Variants in DCDC2C observed in about 807,000 individuals in gnomAD.
DCDC2C encodes doublecortin domain-containing protein 2C.
A neutral mutation model predicts 45.0 loss-of-function variants in DCDC2C; 44 were observed. The observed-to-expected ratio is 0.98, with a 90% CI of 0.77 to 1.26. DCDC2C has a LOEUF of 1.26. Ranked by LOEUF, DCDC2C falls within the 50% of genes most tolerant of loss-of-function variation. The pLI is 0.00. For synonymous variants in DCDC2C, 187 were observed against 178.8 expected (o/e 1.05, Z -0.37); for missense variants, 447 against 468.9 (o/e 0.95, Z 0.43).
At chr2:3,719,300 T>C (rs1025671998) in intron 2 of DCDC2C, among the ~76,000 whole-genome samples, 2 of 152,192 alleles carry the variant, frequency 1.3e-5, no homozygotes, top group Non-Finnish European at 2.9e-5. Flanking sequence ...TTAGCTAGGA[T>C]GGTCTCAATC....
intron 6 of DCDC2C, among the ~76,000 whole-genome samples, chr2:3,767,457 C>G (rs1251470433): frequency 1.3e-5 from 2 of 152,178 alleles, no homozygotes; most frequent in Non-Finnish European, 2.9e-5. Flanking sequence ...TAAAGCAAGC[C>G]CTTATTTTGT....
At chr2:3,768,604 C>T (rs1323838279) in intron 7 of DCDC2C, among the ~76,000 whole-genome samples, 1 of 152,210 alleles carries the variant, frequency 6.6e-6, no homozygotes, top group African/African-American at 2.4e-5. Flanking sequence ...GATGATGCCT[C>T]ACTCTGTCAC....
At position 3,769,366 on chromosome 2, in the gene DCDC2C, C is replaced by T. The variant is rs201032770; in HGVS notation, c.909C>T (p.Asp303=). 5,704 of 1,550,590 alleles carry T rather than the reference C, an allele frequency of 3.7e-3. 16 individuals carry two copies. Among genetic ancestry groups the T allele is most frequent in the Non-Finnish European group, 4.5e-3 (5,164 of 1,146,976 alleles). The change falls in exon 8 of 11, where the codon GAC becomes GAT. Residue 303 remains aspartate, a synonymous_variant. Transcript: ENST00000399143. ...GCAAGGAAACCCAAGGGGCGCTGGA[C>T]GTCAAAGAGGAGCACAATGTGCAGC... ...TPSKETQGAL[D]VKEEHNVQLE... is the part of the protein sequence containing the mutation.
intron 6 of DCDC2C, among the ~76,000 whole-genome samples, chr2:3,760,335 A>G (rs1397703730): frequency 6.6e-6 from 1 of 152,240 alleles, no homozygotes; most frequent in Non-Finnish European, 1.5e-5. Context: ...CTGGGTATAT[A>G]CCCAAAGGAT....
intron 6 of DCDC2C, among the ~76,000 whole-genome samples, chr2:3,763,593 C>T (rs762362457): frequency 1.5e-4 from 23 of 152,208 alleles, no homozygotes; most frequent in Admixed American, 4.6e-4. Flanking sequence ...TCTAGTCTCA[C>T]AGCCTTTACT....
At chr2:3,749,073 T>G (rs961741528) in intron 4 of DCDC2C, among the ~76,000 whole-genome samples, 6 of 152,224 alleles carry the variant, frequency 3.9e-5, no homozygotes, top group African/African-American at 1.4e-4. Flanking sequence ...ACCTTTATTT[T>G]GGGAAAACAG....
chr2:3,733,907 A>C (rs114291307), intron 3 of DCDC2C, among the ~76,000 whole-genome samples: 1 of 152,328 alleles, frequency 6.6e-6, no homozygotes, highest in African/African-American at 2.4e-5. Context: ...TGTGGTCCCA[A>C]GGCCTAGAAA....
chr2:3,722,335 A>G (rs1160588987), intron 2 of DCDC2C, among the ~76,000 whole-genome samples: 1 of 152,232 alleles, frequency 6.6e-6, no homozygotes, highest in Non-Finnish European at 1.5e-5. Context: ...CAGGACACTT[A>G]ATAGCTGTAT....
Position 3,793,146 on chromosome 2 carries a change from C to T in DCDC2C, c.1065+8046C>T, listed in dbSNP as rs1572622500. Among the ~76,000 whole-genome samples the T allele has an allele frequency of 4.0e-5, 6 of 151,888 alleles. No homozygotes were observed. The South Asian group carries it at 1.0e-3, about 26-fold the overall frequency. On this transcript the variant is annotated intron_variant, in intron 10 of 10. Transcript: ENST00000399143. ...AAAAAGAGGTCCATAAATACAAACT[C>T]GCATTTGCTGTTTGTAAATAGAATG... is the stretch of plus-strand genomic sequence containing the variant.
At chr2:3,836,591 G>C (rs1672081178) in intron 10 of DCDC2C, among the ~76,000 whole-genome samples, 1 of 151,872 alleles carries the variant, frequency 6.6e-6, no homozygotes, top group Non-Finnish European at 1.5e-5. Context: ...GGCGGGGCGC[G>C]GTGGCTCACG....
chr2:3,839,085 G>T (rs1484571806), intron 10 of DCDC2C, among the ~76,000 whole-genome samples: 1 of 152,092 alleles, frequency 6.6e-6, no homozygotes, highest in Non-Finnish European at 1.5e-5. Flanking sequence ...AGGGCCACAG[G>T]GGGACAGGAA....
At chr2:3,770,021 G>A (rs1270112340) in intron 8 of DCDC2C, among the ~76,000 whole-genome samples, 3 of 152,156 alleles carry the variant, frequency 2.0e-5, no homozygotes, top group Non-Finnish European at 4.4e-5. Flanking sequence ...GAGAAGGGGC[G>A]GGGTCAGGCC....
intron 4 of DCDC2C, among the ~76,000 whole-genome samples, chr2:3,745,399 A>G (rs1669331920): frequency 6.6e-6 from 1 of 152,228 alleles, no homozygotes. Flanking sequence ...TAAAAAAGAC[A>G]TTAGATCAAT....
intron 10 of DCDC2C, among the ~76,000 whole-genome samples, chr2:3,842,650 A>AAT (rs1289196184): frequency 6.6e-6 from 1 of 151,724 alleles, no homozygotes; most frequent in African/African-American, 2.4e-5. Flanking sequence ...AAAAAAAAAA[A>AAT]AAAAATCAAT....
chr2:3,743,169 T>G (rs1450777876), intron 4 of DCDC2C, among the ~76,000 whole-genome samples: 5 of 150,084 alleles, frequency 3.3e-5, no homozygotes, highest in Non-Finnish European at 5.9e-5. Context: ...GGTCACCACA[T>G]TAGGTTAAAA....
At chr2:3,838,457 AGAG>A (rs368114924) in intron 10 of DCDC2C, among the ~76,000 whole-genome samples, 42,156 of 139,542 alleles carry the variant, frequency 0.3, 6,040 homozygotes, top group South Asian at 0.45. Context: ...CATGACAGAG[AGAG>A]AGAGAGAGAG....
chr2:3,739,830 G>A (rs1337976562), intron 3 of DCDC2C, among the ~76,000 whole-genome samples: 3 of 152,198 alleles, frequency 2.0e-5, no homozygotes, highest in Non-Finnish European at 4.4e-5. Flanking sequence ...CTATACAGAC[G>A]GCTAAACTCA....
intron 10 of DCDC2C, among the ~76,000 whole-genome samples, chr2:3,824,844 T>C (rs6542655): frequency 0.61 from 92,460 of 151,686 alleles, 29,020 homozygotes; most frequent in African/African-American, 0.76. Context: ...GATTTCTGTA[T>C]CTGGGTCTTG....
chr2:3,816,051 C>G (rs1671551547), intron 10 of DCDC2C, among the ~76,000 whole-genome samples: 1 of 152,038 alleles, frequency 6.6e-6, no homozygotes, highest in South Asian at 2.1e-4. Flanking sequence ...AGGGCTGCTT[C>G]TAGTGGGATT....
Sources: gnomAD v4.1 joint callset for allele counts (sites outside exome capture counted in the v4.1 genomes callset) on GRCh38, gnomAD v4.1.1 for gene constraint, MANE v1.5 for transcripts, NCBI Gene and HGNC (gene_info 2026-07-23, HGNC 2026-07-21) for gene names.